USP4: variants seen among roughly 807,000 people sequenced by gnomAD.
USP4 encodes the protein ubiquitin specific peptidase 4.
In USP4, 72 loss-of-function variants were observed where a neutral mutation model predicts 118.2. That is an observed-to-expected ratio of 0.61 (90% confidence interval 0.50 to 0.74). The LOEUF (loss-of-function observed/expected upper bound fraction) is 0.74. USP4 is among the 30% of genes least tolerant of loss of function. USP4 has a pLI of 0.00. For missense variants in USP4, 1,037 were observed against 1,185.7 expected (o/e 0.87, Z 1.84); for synonymous variants, 415 against 440.4 (o/e 0.94, Z 0.72).
chr3:49,308,147 T>A (rs2107785513), intron 8 of USP4, among the ~76,000 whole-genome samples: 1 of 152,198 alleles, frequency 6.6e-6, no homozygotes, highest in Middle Eastern at 3.4e-3. Context: ...TCATACTGGA[T>A]AACCTAACAA....
chr3:49,292,403 C>T (rs2047160870), intron 15 of USP4, 107 bp downstream of exon 15: 1 of 654,674 alleles, frequency 1.5e-6, no homozygotes, highest in Non-Finnish European at 2.4e-6. Flanking sequence ...GGCAGAGCCC[C>T]AACCCAGTCC....
At position 49,290,583 on chromosome 3, in the gene USP4, C is replaced by T. The variant is rs149890375; in HGVS notation, c.1972+1927G>A. Among the ~76,000 whole-genome samples the T allele has an allele frequency of 8.2e-3, 1,239 of 151,910 alleles. 9 individuals are homozygous for T. Among genetic ancestry groups the T allele is most frequent in the South Asian group, 0.013 (64 of 4,810 alleles). ...AGGCTGGAGTGCAATGATGCAATCT[C>T]AGCTCACTGCAACCTCCGCTTCCTG... On this transcript the variant is annotated intron_variant, in intron 15 of 21. Coordinates refer to ENST00000265560, the MANE Select transcript of USP4 (RefSeq NM_003363.4).
intron 6 of USP4, chr3:49,312,437 C>T (rs944624604): frequency 4.4e-6 from 2 of 452,900 alleles, no homozygotes; most frequent in African/African-American, 2.0e-5. Flanking sequence ...GACTGCACCA[C>T]CGCACTCCAG....
At chr3:49,290,525 T>C (rs1364202145) in intron 15 of USP4, among the ~76,000 whole-genome samples, 1 of 152,210 alleles carries the variant, frequency 6.6e-6, no homozygotes, top group East Asian at 1.9e-4. Context: ...TGGTTTTTGT[T>C]TTTGTTTGAG....
Position 49,324,771 on chromosome 3 carries a change from A to G in USP4, c.634-8T>C, listed in dbSNP as rs1271019167. The G allele has an allele frequency of 6.2e-7, 1 of 1,614,180 alleles. No homozygotes were observed. Among genetic ancestry groups the G allele is most frequent in the East Asian group, 2.2e-5 (1 of 44,888 alleles). ...AGGCTCAATTACTAGCACCTGAGTGAAAGGGGAAACCAAATGAGGAGAGTT... is the reference window on the plus strand; with the variant it reads ...AGGCTCAATTACTAGCACCTGAGTGGAAGGGGAAACCAAATGAGGAGAGTT... On this transcript the variant is annotated splice_polypyrimidine_tract_variant and splice_region_variant and intron_variant, in intron 5 of 21. Coordinates refer to ENST00000265560, the MANE Select transcript of USP4 (RefSeq NM_003363.4).
chr3:49,301,675 G>A (rs571638262), intron 10 of USP4, among the ~76,000 whole-genome samples: 19 of 152,058 alleles, frequency 1.2e-4, no homozygotes, highest in African/African-American at 4.6e-4. Flanking sequence ...GCAACAGAGT[G>A]AGACTCCATC....
At chr3:49,336,361 A>T (rs2047669429) in intron 1 of USP4, among the ~76,000 whole-genome samples, 1 of 149,436 alleles carries the variant, frequency 6.7e-6, no homozygotes. Context: ...TTTAGTAGAG[A>T]TGGAGTTTCA....
intron 6 of USP4, among the ~76,000 whole-genome samples, chr3:49,319,599 ATGTTTGTT>A (rs71077786): frequency 1.4e-4 from 21 of 148,990 alleles, no homozygotes; most frequent in Non-Finnish European, 1.8e-4. Context: ...ATTACTAAAC[ATGTTTGTT>A]TGTTTGTTTG....
chr3:49,323,595 C>T (rs1042743661), intron 6 of USP4, among the ~76,000 whole-genome samples: 3 of 152,208 alleles, frequency 2.0e-5, no homozygotes, highest in African/African-American at 7.2e-5. Flanking sequence ...AACTGGCAAC[C>T]GGGGTTTCTT....
In USP4 at chr3:49,284,150, C is replaced by T; in HGVS notation, c.2391-14G>A. On this transcript the variant is annotated splice_polypyrimidine_tract_variant and intron_variant, in intron 18 of 21. Transcript: ENST00000265560. ...TTGGGACAGTACCTAAAAAGAGAAA[C>T]CTCCACTTAGCAGGGCAAGCCGGCA... 1.2e-6 allele frequency: 2 copies of T among 1,614,136 alleles called. No individual in the cohort carries two copies. Among genetic ancestry groups the T allele is most frequent in the Non-Finnish European group, 1.7e-6 (2 of 1,180,006 alleles).
intron 6 of USP4, among the ~76,000 whole-genome samples, chr3:49,319,095 T>G (rs973209227): frequency 4.0e-5 from 6 of 150,794 alleles, no homozygotes; most frequent in Non-Finnish European, 7.4e-5. Flanking sequence ...TTGGGAGGGA[T>G]TGCGCCACTG....
intron 6 of USP4, among the ~76,000 whole-genome samples, chr3:49,323,059 C>T (rs1320941259): frequency 1.3e-5 from 2 of 150,978 alleles, no homozygotes; most frequent in Non-Finnish European, 3.0e-5. Context: ...CCTCCGCCTC[C>T]CGGGTTCAAG....
chr3:49,310,863 T>G (rs1362400147), intron 7 of USP4, 126 bp from the exon 8 acceptor site: 7 of 700,692 alleles, frequency 1.0e-5, no homozygotes, highest in Non-Finnish European at 1.7e-5. Flanking sequence ...GCAAATTCCC[T>G]CTACTCCCTC....
At chr3:49,289,447 A>G (rs990341291) in intron 15 of USP4, among the ~76,000 whole-genome samples, 6 of 152,218 alleles carry the variant, frequency 3.9e-5, no homozygotes, top group African/African-American at 1.4e-4. Flanking sequence ...CCAGAGTACC[A>G]CAGATCACCC....
At chr3:49,298,103 CA>C in intron 12 of USP4, 139 bp from the exon 13 acceptor site, 1 of 640,740 alleles carries the variant, frequency 1.6e-6, no homozygotes, top group South Asian at 1.9e-5. Context: ...CAAACAGCCC[CA>C]GAGAGCTGAG....
chr3:49,283,207 G>T (rs2047056431), intron 19 of USP4, among the ~76,000 whole-genome samples: 1 of 149,050 alleles, frequency 6.7e-6, no homozygotes, highest in East Asian at 2.0e-4. Flanking sequence ...GTAGAGATGG[G>T]GTTTCACCAT....
At position 49,277,742 on chromosome 3, in the gene USP4, G is replaced by A. The variant is rs1455347555; in HGVS notation, c.*551C>T. Reference sequence around the variant, plus strand: ...CACTAGATATCTTCCTTAGCGGGGAGAAAGCTGGAAATTACAAGATGACTC... The same window carrying A: ...CACTAGATATCTTCCTTAGCGGGGAAAAAGCTGGAAATTACAAGATGACTC... On this transcript the variant is annotated 3_prime_UTR_variant, in exon 22 of 22. Coordinates refer to ENST00000265560, the MANE Select transcript of USP4 (RefSeq NM_003363.4). 1 of 165,522 alleles carries A rather than the reference G, an allele frequency of 6.0e-6. No individual in the cohort carries two copies. The highest frequency in any genetic ancestry group is 1.3e-5 in the Non-Finnish European group (1 of 77,424). 10.3% of individuals were successfully genotyped at this position (165,522 alleles called of 1,614,324 possible). A position where few individuals can be genotyped will look rare whatever the true frequency, so the allele number is the denominator to read the frequency against.
chr3:49,283,213 A>G (rs776014395), intron 19 of USP4, among the ~76,000 whole-genome samples: 2 of 148,316 alleles, frequency 1.3e-5, no homozygotes, highest in African/African-American at 2.5e-5. Flanking sequence ...ATGGGGTTTC[A>G]CCATGTTGGC....
chr3:49,310,964 C>T (rs1010664523), intron 7 of USP4, among the ~76,000 whole-genome samples: 5 of 152,174 alleles, frequency 3.3e-5, no homozygotes, highest in Non-Finnish European at 7.4e-5. Context: ...TTGAATTTTC[C>T]TCTGTTAGGC....
Sources: gnomAD v4.1 joint callset for allele counts (sites outside exome capture counted in the v4.1 genomes callset) on GRCh38, gnomAD v4.1.1 for gene constraint, MANE v1.5 for transcripts, NCBI Gene and HGNC (gene_info 2026-07-23, HGNC 2026-07-21) for gene names.